PRRX1: variants seen among roughly 807,000 people sequenced by gnomAD.
PRRX1 encodes paired mesoderm homeobox protein 1.
PRRX1 carries 8 observed loss-of-function variants against 24.0 expected under a neutral mutation model. The observed-to-expected ratio is 0.33, with a 90% CI of 0.20 to 0.60. The LOEUF (loss-of-function observed/expected upper bound fraction) is 0.60. Ranked by LOEUF, PRRX1 falls within the 20% of genes least tolerant of loss-of-function variation. PRRX1 has a pLI of 0.82. For synonymous variants in PRRX1, 160 were observed against 131.7 expected (o/e 1.22, Z -1.47); for missense variants, 281 against 322.4 (o/e 0.87, Z 0.98).
intron 1 of PRRX1, among the ~76,000 whole-genome samples, chr1:170,712,161 C>T (rs766270621): frequency 2.6e-5 from 4 of 152,036 alleles, no homozygotes; most frequent in Non-Finnish European, 5.9e-5. Context: ...ATTGCTTATC[C>T]GTCTGAGTAC....
At position 170,736,044 on chromosome 1, in the gene PRRX1, A is replaced by G; in HGVS notation, c.600-4A>G. 1.2e-6 allele frequency: 2 copies of G among 1,613,976 alleles called. No homozygotes were observed. The highest frequency in any genetic ancestry group is 1.7e-6 in the Non-Finnish European group (2 of 1,179,860). On this transcript the variant is annotated splice_region_variant and splice_polypyrimidine_tract_variant and intron_variant, in intron 3 of 3. Transcript: ENST00000239461. ...TCTCCCTGCTCTCTCCTTTGTCCCT[A>G]CAGCGCCATGGCTACTTATTCTGCC...
chr1:170,720,785 G>GTTA (rs1655056843), intron 2 of PRRX1, among the ~76,000 whole-genome samples: 5 of 152,106 alleles, frequency 3.3e-5, no homozygotes, highest in Non-Finnish European at 7.4e-5. Flanking sequence ...ATGAAAGGCA[G>GTTA]GAAAAAGAGA....
At chr1:170,702,200 C>T (rs1322674177) in intron 1 of PRRX1, among the ~76,000 whole-genome samples, 1 of 152,204 alleles carries the variant, frequency 6.6e-6, no homozygotes, top group South Asian at 2.1e-4. Context: ...CAGTAATGCT[C>T]ACTCACCTGC....
chr1:170,673,071 C>A (rs1393139376), intron 1 of PRRX1, among the ~76,000 whole-genome samples: 5 of 152,104 alleles, frequency 3.3e-5, no homozygotes, highest in African/African-American at 1.2e-4. Flanking sequence ...TTTTTCTTTT[C>A]TGCTAATTCA....
At chr1:170,677,334 A>G (rs1398705748) in intron 1 of PRRX1, among the ~76,000 whole-genome samples, 1 of 152,244 alleles carries the variant, frequency 6.6e-6, no homozygotes, top group Non-Finnish European at 1.5e-5. Flanking sequence ...ATGTAAGCAA[A>G]ATGCCTAGTA....
intron 1 of PRRX1, among the ~76,000 whole-genome samples, chr1:170,665,276 C>T (rs1011097269): frequency 6.6e-6 from 1 of 152,228 alleles, no homozygotes; most frequent in African/African-American, 2.4e-5. Flanking sequence ...GGCTCTTAAA[C>T]GCCCAGAAAA....
intron 1 of PRRX1, among the ~76,000 whole-genome samples, chr1:170,713,863 G>A (rs190101626): frequency 3.1e-4 from 47 of 152,256 alleles, no homozygotes; most frequent in Admixed American, 2.7e-3. Context: ...GCTTTAGTGG[G>A]CTATAGTTCA....
chr1:170,681,030 A>G (rs957040694), intron 1 of PRRX1, among the ~76,000 whole-genome samples: 4 of 152,180 alleles, frequency 2.6e-5, no homozygotes, highest in African/African-American at 9.6e-5. Flanking sequence ...TAACCTTGAG[A>G]CTCAGAAATG....
chr1:170,709,766 G>A (rs1654686424), intron 1 of PRRX1, among the ~76,000 whole-genome samples: 1 of 152,148 alleles, frequency 6.6e-6, no homozygotes, highest in South Asian at 2.1e-4. Context: ...TGATAGGGAG[G>A]ATGCTAAAGT....
At chr1:170,731,906 T>C (rs1054215059) in intron 3 of PRRX1, among the ~76,000 whole-genome samples, 3 of 152,218 alleles carry the variant, frequency 2.0e-5, no homozygotes, top group South Asian at 2.1e-4. Context: ...TATTCAGTAA[T>C]GTGGTTTCTT....
intron 1 of PRRX1, among the ~76,000 whole-genome samples, chr1:170,678,145 A>G (rs1406103679): frequency 6.6e-6 from 1 of 152,220 alleles, no homozygotes; most frequent in Non-Finnish European, 1.5e-5. Context: ...TTGCCAACTT[A>G]GATTTCCTAA....
At chr1:170,676,341 T>C (rs867953386) in intron 1 of PRRX1, among the ~76,000 whole-genome samples, 41 of 152,204 alleles carry the variant, frequency 2.7e-4, no homozygotes, top group Middle Eastern at 6.8e-3. Context: ...CTTTTTTTTT[T>C]CTTTACTTCA....
At chr1:170,687,187 C>T (rs1490935183) in intron 1 of PRRX1, among the ~76,000 whole-genome samples, 1 of 151,752 alleles carries the variant, frequency 6.6e-6, no homozygotes, top group Non-Finnish European at 1.5e-5. Flanking sequence ...AAAATAAACA[C>T]GAAACAGGCA....
upstream of PRRX1, chr1:170,663,934 A>G (rs1195007203): frequency 1.8e-5 from 8 of 432,928 alleles, no homozygotes; most frequent in Non-Finnish European, 3.3e-5. Context: ...ACTGTGGATT[A>G]TCTCTTTGGA....
Position 170,736,299 on chromosome 1 carries a change from AC to A in PRRX1, c.*114del. On this transcript the variant is annotated 3_prime_UTR_variant, in exon 4 of 4. Coordinates refer to ENST00000239461, the MANE Select transcript of PRRX1 (RefSeq NM_022716.4). The stretch of plus-strand genomic sequence containing the variant: ...GAAAAAGTAAATTACAAACAAACAA[AC>A]AAAGCAGAACTAAAATATTGGGACC... The A allele has an allele frequency of 7.2e-7, 1 of 1,395,002 alleles. No homozygotes were observed. The allele number at this position is 1,395,002 out of a possible 1,614,324, so 86.4% of individuals were successfully genotyped here.
chr1:170,721,849 G>A (rs889315909), intron 2 of PRRX1, among the ~76,000 whole-genome samples: 9 of 151,894 alleles, frequency 5.9e-5, no homozygotes, highest in Admixed American at 6.6e-5. Flanking sequence ...TTTATGCCAC[G>A]CCTCAGCTTG....
intron 3 of PRRX1, among the ~76,000 whole-genome samples, chr1:170,731,793 T>C (rs917194522): frequency 6.6e-6 from 1 of 152,226 alleles, no homozygotes; most frequent in Non-Finnish European, 1.5e-5. Flanking sequence ...CATTTGAAGC[T>C]GATTTAAATG....
At position 170,726,332 on chromosome 1, in the gene PRRX1, A is replaced by G. The variant is rs1655253693; in HGVS notation, c.530A>G (p.Gln177Arg). The G allele has an allele frequency of 6.2e-7, 1 of 1,614,136 alleles. No homozygotes were observed. The highest frequency in any genetic ancestry group is 2.2e-5 in the East Asian group (1 of 44,874). ...SYSGDVTAVE[Q>R]PIVPRPAPRP... Reference sequence around the variant, plus strand: ...TCAGGAGACGTGACTGCTGTGGAGCAGCCCATCGTACCTCGTCCTGCTCCG... The same window carrying G: ...TCAGGAGACGTGACTGCTGTGGAGCGGCCCATCGTACCTCGTCCTGCTCCG... Residue 177 changes from glutamine (Q) to arginine (R), a missense_variant, in exon 3 of 4, where the codon CAG becomes CGG. Coordinates refer to ENST00000239461, the MANE Select transcript of PRRX1 (RefSeq NM_022716.4).
intron 1 of PRRX1, among the ~76,000 whole-genome samples, chr1:170,698,884 G>A (rs1227566011): frequency 1.3e-5 from 2 of 152,110 alleles, no homozygotes; most frequent in Non-Finnish European, 2.9e-5. Flanking sequence ...GGGGTCTCTG[G>A]AGAAGGGGCC....
Sources: allele counts gnomAD v4.1 joint callset (sites outside exome capture counted in the v4.1 genomes callset), GRCh38; gene constraint gnomAD v4.1.1; transcripts MANE v1.5; gene names NCBI Gene and HGNC (gene_info 2026-07-23, HGNC 2026-07-21).